The following NCOR2 variants were observed in gnomAD, a reference collection of about 807,000 sequenced individuals.
NCOR2 encodes nuclear receptor corepressor 2, also known as CTG repeat protein 26.
Under a neutral mutation model 262.9 loss-of-function variants are expected in NCOR2, and 81 were observed. That is an observed-to-expected ratio of 0.31 (90% CI 0.26 to 0.37). The LOEUF (loss-of-function observed/expected upper bound fraction) is 0.37, where lower values mean the gene tolerates loss of function less well. Ranked by LOEUF, NCOR2 falls within the 10% of genes least tolerant of loss-of-function variation. NCOR2 has a pLI of 1.00. For missense variants in NCOR2, 3,385 were observed against 3,621.4 expected, an observed-to-expected ratio of 0.93 and a Z score of 1.68; for synonymous variants, 1,659 against 1,559.3, an observed-to-expected ratio of 1.06 and a Z score of -1.51.
chr12:124,519,181 G>A (rs1238294315), intron 1 of NCOR2, among the ~76,000 whole-genome samples: 6 of 150,938 alleles, frequency 4.0e-5, no homozygotes, highest in Non-Finnish European at 5.9e-5. Context: ...AACCTTGGCT[G>A]CAATTAGCTG....
chr12:124,367,363 G>A (rs1232233012), intron 20 of NCOR2, among the ~76,000 whole-genome samples: 1 of 152,144 alleles, frequency 6.6e-6, no homozygotes, highest in Non-Finnish European at 1.5e-5. Flanking sequence ...TTTACAAGAG[G>A]TCTTCTGATC....
intron 5 of NCOR2, among the ~76,000 whole-genome samples, chr12:124,463,976 G>A (rs972741418): frequency 6.6e-6 from 1 of 152,244 alleles, no homozygotes; most frequent in Non-Finnish European, 1.5e-5. Context: ...TTTAGGTGCT[G>A]GAGATGCCAC....
chr12:124,532,686 G>C (rs1242808651), intron 1 of NCOR2, among the ~76,000 whole-genome samples: 1 of 152,224 alleles, frequency 6.6e-6, no homozygotes, highest in Admixed American at 6.5e-5. Flanking sequence ...CAGGAGGAAG[G>C]CTCCCCATTA....
exon 1 of NCOR2, chr12:124,567,438 C>CCCG (rs1260680866): frequency 5.3e-5 from 8 of 150,106 alleles, no homozygotes; most frequent in Non-Finnish European, 1.2e-4. Flanking sequence ...ACGCGATCCT[C>CCCG]CCGCCGCCGC....
chr12:124,545,046 C>G (rs1407408270), intron 1 of NCOR2, among the ~76,000 whole-genome samples: 1 of 152,118 alleles, frequency 6.6e-6, no homozygotes, highest in African/African-American at 2.4e-5. Flanking sequence ...AGGGGCTACT[C>G]TGAAGAGAAA....
chr12:124,405,429 G>C (rs1389958964), intron 13 of NCOR2, among the ~76,000 whole-genome samples: 4 of 152,168 alleles, frequency 2.6e-5, no homozygotes, highest in Admixed American at 2.6e-4. Context: ...GCACCTTCTG[G>C]GCCACCCTGC....
intron 6 of NCOR2, among the ~76,000 whole-genome samples, chr12:124,451,072 T>C (rs2045495627): frequency 6.6e-6 from 1 of 152,256 alleles, no homozygotes; most frequent in Admixed American, 6.5e-5. Context: ...GTGGAATTGC[T>C]GCACACTTAG....
intron 37 of NCOR2, 70 bp from the exon 40 acceptor site, chr12:124,337,250 C>T (rs1394842100): frequency 2.3e-5 from 35 of 1,492,592 alleles, no homozygotes; most frequent in Non-Finnish European, 3.1e-5. Flanking sequence ...CTCGATGAGT[C>T]CCCATTGCCC....
chr12:124,549,091 T>C lies in NCOR2; in HGVS notation c.-164-13480A>G, dbSNP rs2051630171. ...GAGGGGATTTCCCAAGTCTATGGGG[T>C]AAATATTGTCAGGGTGGTTGGGATG... On this transcript the variant is annotated intron_variant, in intron 1 of 32. Coordinates refer to the NCOR2 transcript ENST00000458234. The surrounding 1 kb of genome is among the most constrained non-coding windows in gnomAD (Gnocchi z 4.4). 6.6e-6 allele frequency among the ~76,000 whole-genome samples: 1 copy of C among 151,642 alleles called. No homozygotes were observed. Among genetic ancestry groups the C allele is most frequent in the Non-Finnish European group, 1.5e-5 (1 of 67,958 alleles).
intron 13 of NCOR2, among the ~76,000 whole-genome samples, chr12:124,414,931 G>A (rs1237413617): frequency 1.3e-5 from 2 of 152,128 alleles, no homozygotes; most frequent in Non-Finnish European, 2.9e-5. Flanking sequence ...GTGCTCCATG[G>A]CCAGGGATTC....
chr12:124,501,932 G>A (rs1004498410), intron 1 of NCOR2, among the ~76,000 whole-genome samples: 2 of 152,326 alleles, frequency 1.3e-5, no homozygotes, highest in African/African-American at 2.4e-5. Flanking sequence ...CCGGCCCGGG[G>A]GGAACTCTGG....
At chr12:124,424,154 CAT>C (rs1420863984) in intron 11 of NCOR2, among the ~76,000 whole-genome samples, 1 of 152,202 alleles carries the variant, frequency 6.6e-6, no homozygotes, top group African/African-American at 2.4e-5. Flanking sequence ...TGCAGAGCCA[CAT>C]GAGATCTTCC....
chr12:124,340,676 A>G (rs2036385016), exon 35 of NCOR2: 1 of 1,520,590 alleles, frequency 6.6e-7, no homozygotes, highest in Non-Finnish European at 8.7e-7. Context: ...AAGGCGGTCC[A>G]TGGCGGTGGC....
At chr12:124,444,742 G>A (rs971832620) in intron 7 of NCOR2, among the ~76,000 whole-genome samples, 3 of 152,040 alleles carry the variant, frequency 2.0e-5, no homozygotes, top group Admixed American at 6.6e-5. Flanking sequence ...CTGCGGGTTG[G>A]GGTGATGGTC....
intron 20 of NCOR2, among the ~76,000 whole-genome samples, chr12:124,368,960 G>A (rs1288517478): frequency 1.3e-5 from 2 of 152,264 alleles, no homozygotes; most frequent in African/African-American, 2.4e-5. Context: ...AATGCCAGAG[G>A]GACAGCTGAA....
chr12:124,539,221 CCT>C (rs1293961208), upstream of NCOR2: 1 of 152,510 alleles, frequency 6.6e-6, no homozygotes, highest in African/African-American at 2.4e-5. The surrounding 1 kb of genome is among the most constrained non-coding windows in gnomAD (Gnocchi z 5.1). Context: ...GTCACGCTCC[CCT>C]GTGCTCACAC....
intron 9 of NCOR2, 102 bp downstream of exon 11, chr12:124,430,513 C>T (rs2043851983): frequency 2.1e-6 from 3 of 1,401,932 alleles, no homozygotes; most frequent in Admixed American, 4.6e-5. Context: ...TGAGAAGCTG[C>T]TGTGCTGTTC....
At chr12:124,390,450 A>C (rs1048933264) in intron 16 of NCOR2, among the ~76,000 whole-genome samples, 5 of 151,622 alleles carry the variant, frequency 3.3e-5, no homozygotes, top group African/African-American at 1.2e-4. Context: ...TCCTCAGAGA[A>C]GCCTTCCTTG....
chr12:124,510,427 A>G (rs1390381026), intron 1 of NCOR2, among the ~76,000 whole-genome samples: 1 of 152,182 alleles, frequency 6.6e-6, no homozygotes, highest in African/African-American at 2.4e-5. Flanking sequence ...AGTCCCCAAC[A>G]CAACACTTGG....
Sources: allele counts gnomAD v4.1 joint callset (sites outside exome capture counted in the v4.1 genomes callset), GRCh38; gene constraint gnomAD v4.1.1; non-coding constraint Gnocchi (gnomAD v3.1); transcripts MANE v1.5; gene names NCBI Gene and HGNC (gene_info 2026-07-23, HGNC 2026-07-21).